Variants in MEIOSIN observed in about 807,000 individuals in gnomAD.
The protein encoded by MEIOSIN is meiosis initiator protein.
Under a neutral mutation model 23.4 loss-of-function variants are expected in MEIOSIN, and 18 were observed. That is an observed-to-expected ratio of 0.77 (90% CI 0.53 to 1.14). MEIOSIN has a LOEUF of 1.14. Among genes scored for constraint, MEIOSIN ranks in the 50% most tolerant of loss-of-function variants. The pLI is 0.00. For synonymous variants in MEIOSIN, 187 were observed against 100.6 expected (o/e 1.86, Z -5.14); for missense variants, 428 against 242.9 (o/e 1.76, Z -5.07).
intron 11 of MEIOSIN, among the ~76,000 whole-genome samples, chr19:45,760,943 G>A (rs893049231): frequency 7.0e-6 from 1 of 143,600 alleles, no homozygotes; most frequent in African/African-American, 2.5e-5. Context: ...AAAAAAGAAA[G>A]AAAAGAAAAA....
Position 45,754,475 on chromosome 19 carries a change from C to G in MEIOSIN, c.557-4C>G, listed in dbSNP as rs1463846955. 8 of 700,670 alleles carry G rather than the reference C, an allele frequency of 1.1e-5. No individual in the cohort carries two copies. Among genetic ancestry groups the G allele is most frequent in the Admixed American group, 6.0e-5 (3 of 49,848 alleles). The allele number at this position is 700,670 out of a possible 1,614,324, so 43.4% of individuals were successfully genotyped here. A position where few individuals can be genotyped will look rare whatever the true frequency, so the allele number is the denominator to read the frequency against. ...CTCTGACACCTGAACCTCTGCTCCCCCAGAAAGCCAGACTCGGACCCCGAA... is the reference window on the plus strand; with the variant it reads ...CTCTGACACCTGAACCTCTGCTCCCGCAGAAAGCCAGACTCGGACCCCGAA... On this transcript the variant is annotated splice_polypyrimidine_tract_variant and splice_region_variant and intron_variant, in intron 6 of 14. Coordinates refer to ENST00000457052, the MANE Select transcript of MEIOSIN (RefSeq NM_001310124.2).
intron 4 of MEIOSIN, among the ~76,000 whole-genome samples, chr19:45,745,777 G>T (rs1968583218): frequency 6.6e-6 from 1 of 152,022 alleles, no homozygotes; most frequent in African/African-American, 2.4e-5. Context: ...TCACCATATT[G>T]GTCAGGCCGG....
At chr19:45,745,911 T>C (rs193077902) in intron 4 of MEIOSIN, among the ~76,000 whole-genome samples, 121 of 152,252 alleles carry the variant, frequency 7.9e-4, no homozygotes, top group African/African-American at 2.8e-3. Context: ...AGAAGTCCAA[T>C]ATCAGTCTCA....
intron 3 of MEIOSIN, among the ~76,000 whole-genome samples, chr19:45,740,780 AATAATAATAATAAT>A (rs869197356): frequency 6.9e-6 from 1 of 145,720 alleles, no homozygotes; most frequent in Admixed American, 6.9e-5. Flanking sequence ...TAATAATAAT[AATAATAATAATAAT>A]AACAATGATA....
At position 45,752,919 on chromosome 19, in the gene MEIOSIN, C is replaced by CTTTTTT. The variant is rs11387482; in HGVS notation, c.419-718_419-713dup. On this transcript the variant is annotated intron_variant, in intron 5 of 14. Transcript: ENST00000457052. ...GCTCTTACTCAGATAGTTTCTTCTT[C>CTTTTTT]TTTTTTTTTTTTTTTTTTTCTGAGG... Among the ~76,000 whole-genome samples, 7 of 119,154 alleles carry CTTTTTT rather than the reference C, an allele frequency of 5.9e-5. 1 individual carries two copies. The highest frequency in any genetic ancestry group is 2.1e-4 in the Admixed American group (2 of 9,510). 78.2% of individuals were successfully genotyped at this position (119,154 alleles called of 152,430 possible). A position where few individuals can be genotyped will look rare whatever the true frequency, so the allele number is the denominator to read the frequency against.
At position 45,742,472 on chromosome 19, in the gene MEIOSIN, G is replaced by A. The variant is rs559348058; in HGVS notation, c.177-2720G>A. ...ATGAGCTTGGGTGACAGAGCAACTC[G>A]TTGTCTCTTTAAAAACAAACAAGCA... On this transcript the variant is annotated intron_variant, in intron 3 of 14. Transcript: ENST00000457052. Among the ~76,000 whole-genome samples, 5 of 151,530 alleles carry A rather than the reference G, an allele frequency of 3.3e-5. No individual in the cohort carries two copies. In the East Asian group the frequency reaches 5.9e-4, roughly 18 times the overall value.
intron 4 of MEIOSIN, 129 bp downstream of exon 4, chr19:45,745,450 C>G (rs1968576310): frequency 1.7e-6 from 1 of 589,974 alleles, no homozygotes; most frequent in Admixed American, 3.0e-5. Flanking sequence ...AATGGTGCTA[C>G]TCTGAACGGG....
chr19:45,750,360 CT>C (rs11295860), intron 4 of MEIOSIN, among the ~76,000 whole-genome samples: 49,031 of 97,566 alleles, frequency 0.5, 10,704 homozygotes, highest in Admixed American at 0.54. Flanking sequence ...TTTTCTTTTT[CT>C]TTTTTTTTTT....
At chr19:45,742,640 G>T (rs1043469929) in intron 3 of MEIOSIN, among the ~76,000 whole-genome samples, 1 of 151,804 alleles carries the variant, frequency 6.6e-6, no homozygotes, top group African/African-American at 2.4e-5. Flanking sequence ...TTAGCCAGGC[G>T]TGGTGTCAGG....
intron 5 of MEIOSIN, among the ~76,000 whole-genome samples, chr19:45,752,801 A>C (rs575708514): frequency 9.5e-4 from 144 of 152,124 alleles, no homozygotes; most frequent in African/African-American, 3.1e-3. Flanking sequence ...CTCAGAGCCC[A>C]CACACATCAT....
At position 45,752,872 on chromosome 19, in the gene MEIOSIN, G is replaced by A. The variant is rs957642185; in HGVS notation, c.419-779G>A. On this transcript the variant is annotated intron_variant, in intron 5 of 14. Coordinates refer to ENST00000457052, the MANE Select transcript of MEIOSIN (RefSeq NM_001310124.2). ...ACTTGCCTGTCCCCAGACACCCCGC[G>A]CGTGTCTTCTCATGCCTGCAAGCTC... 2.0e-4 allele frequency among the ~76,000 whole-genome samples: 30 copies of A among 150,744 alleles called. 1 individual carries two copies. Among genetic ancestry groups the A allele is most frequent in the Admixed American group, 1.2e-3 (18 of 15,130 alleles).
chr19:45,737,273 G>C (rs1968423752), intron 2 of MEIOSIN, among the ~76,000 whole-genome samples: 1 of 151,290 alleles, frequency 6.6e-6, no homozygotes, highest in Non-Finnish European at 1.5e-5. Flanking sequence ...TCGACCTTCT[G>C]GGCTCAAACA....
chr19:45,752,033 GTTT>G (rs36122176), intron 5 of MEIOSIN, among the ~76,000 whole-genome samples: 16 of 64,106 alleles, frequency 2.5e-4, no homozygotes, highest in East Asian at 5.4e-4. Context: ...GCTCCTAGCC[GTTT>G]TTTTTTTTTT....
intron 1 of MEIOSIN, among the ~76,000 whole-genome samples, chr19:45,734,893 G>T (rs1232011970): frequency 1.3e-5 from 2 of 151,218 alleles, no homozygotes; most frequent in Non-Finnish European, 3.0e-5. Context: ...TTAGGGGTTT[G>T]TTTTTGTTTT....
Position 45,754,695 on chromosome 19 carries a change from C to G in MEIOSIN, c.773C>G (p.Ala258Gly). Residue 258 changes from alanine to glycine, a missense_variant, in exon 7 of 15, where the codon GCC becomes GGC. Transcript: ENST00000457052. The stretch of plus-strand genomic sequence containing the variant: ...TCCCAGCTGACGCTGTTGGATCTGG[C>G]CGAGGACACCATCCACTGTGACATC... ...GQSQLTLLDL[A>G]EDTIHCDISS... 1 of 703,086 alleles carries G rather than the reference C, an allele frequency of 1.4e-6. No homozygotes were observed. Among genetic ancestry groups the G allele is most frequent in the Non-Finnish European group, 2.6e-6 (1 of 385,032 alleles). 43.6% of individuals were successfully genotyped at this position (703,086 alleles called of 1,614,324 possible).
rs1032854928 is a variant in MEIOSIN at position 45,745,290 on chromosome 19, C to A, written c.275C>A (p.Ala92Asp). Residue 92 changes from alanine to aspartate, a missense_variant, in exon 4 of 15, where the codon GCC (alanine) becomes GAC (aspartate). Transcript: ENST00000457052. ...LQELALLLPI[A>D]LKTGTKKLTK... Reference sequence around the variant, plus strand: ...GAGTTGGCACTGCTGCTGCCCATAGCCCTGAAGACGGGGACCAAGAAGCTC... The same window carrying A: ...GAGTTGGCACTGCTGCTGCCCATAGACCTGAAGACGGGGACCAAGAAGCTC... 4 of 702,808 alleles carry A rather than the reference C, an allele frequency of 5.7e-6. No individual in the cohort carries two copies. The highest frequency in any genetic ancestry group is 5.2e-5 in the African/African-American group (3 of 57,220). The allele number at this position is 702,808 out of a possible 1,614,324, so 43.5% of individuals were successfully genotyped here.
chr19:45,733,902 G>A lies in MEIOSIN; in HGVS notation c.-1+236G>A, dbSNP rs1371584967. Among the ~76,000 whole-genome samples, 1 of 152,174 alleles carries A rather than the reference G, an allele frequency of 6.6e-6. No homozygotes were observed. The highest frequency in any genetic ancestry group is 1.5e-5 in the Non-Finnish European group (1 of 68,026). The stretch of plus-strand genomic sequence containing the variant: ...GTTTGTGTTGGGAATCCGGGCTCTC[G>A]AGTTCTGATCTGGGATCTCGGGATT... On this transcript the variant is annotated intron_variant, in intron 1 of 14. Transcript: ENST00000457052. This position sits in a 1 kb window ranked among gnomAD's most constrained non-coding sequence, Gnocchi z 5.7.
intron 11 of MEIOSIN, 108 bp from the exon 12 acceptor site, chr19:45,761,571 A>G (rs1278528336): frequency 1.7e-6 from 1 of 600,568 alleles, no homozygotes; most frequent in East Asian, 2.9e-5. Context: ...CACCCTGCCA[A>G]TCTGAGCTGC....
At chr19:45,759,963 G>A (rs998743097) in intron 11 of MEIOSIN, among the ~76,000 whole-genome samples, 6 of 151,768 alleles carry the variant, frequency 4.0e-5, no homozygotes, top group Admixed American at 6.6e-5. Context: ...CACCACACCC[G>A]GCTAATTGTG....
Sources: gnomAD v4.1 joint callset for allele counts (sites outside exome capture counted in the v4.1 genomes callset) on GRCh38, gnomAD v4.1.1 for gene constraint, Gnocchi (gnomAD v3.1) non-coding constraint, MANE v1.5 for transcripts, NCBI Gene and HGNC (gene_info 2026-07-23, HGNC 2026-07-21) for gene names.